Variants in COL24A1 observed in about 807,000 individuals in gnomAD.
The protein encoded by COL24A1 is collagen type XXIV alpha 1 chain.
In COL24A1, 224 loss-of-function variants were observed where a neutral mutation model predicts 253.9. The observed-to-expected ratio is 0.88, with a 90% confidence interval of 0.79 to 0.99. The LOEUF (loss-of-function observed/expected upper bound fraction) is 0.99, where lower values mean the gene tolerates loss of function less well. Ranked by LOEUF, COL24A1 falls within the 50% of genes least tolerant of loss-of-function variation. The probability of loss-of-function intolerance (pLI) is 0.00; values close to 1 mark genes in which losing one functional copy is unlikely to be tolerated. For synonymous variants in COL24A1, 685 were observed against 673.7 expected (o/e 1.02, Z -0.26); for missense variants, 2,131 against 2,068.5 (o/e 1.03, Z -0.59).
chr1:85,766,834 G>C (rs997210741), intron 53 of COL24A1, among the ~76,000 whole-genome samples: 1 of 152,130 alleles, frequency 6.6e-6, no homozygotes, highest in African/African-American at 2.4e-5. Context: ...GGCCCAGCGT[G>C]ATGGCTCACG....
chr1:85,963,635 C>T (rs1041759902), intron 23 of COL24A1, among the ~76,000 whole-genome samples: 7 of 152,072 alleles, frequency 4.6e-5, no homozygotes, highest in Non-Finnish European at 8.8e-5. Flanking sequence ...CCAGGCAGTG[C>T]CAGGTCCGAG....
Position 85,775,675 on chromosome 1 carries a change from G to C in COL24A1, c.4373C>G (p.Thr1458Ser). ...AATCACAAATTTAGTTAAACTTACA[G>C]TTTCACCTCTAAAGCCCTTTTCACC... ...PRGEKGFRGE[T>S]GPQGPRGQPG... The change falls in exon 53 of 60, where the codon ACT becomes AGT. Residue 1458 changes from threonine (T) to serine (S), a missense_variant and splice_region_variant. Thr to Ser is a moderately conservative substitution (Grantham distance 58). Coordinates refer to ENST00000370571, the MANE Select transcript of COL24A1 (RefSeq NM_152890.7). 6.2e-7 allele frequency: 1 copy of C among 1,605,820 alleles called. No individual in the cohort carries two copies. The highest frequency in any genetic ancestry group is 8.5e-7 in the Non-Finnish European group (1 of 1,177,192).
intron 28 of COL24A1, 110 bp downstream of exon 28, chr1:85,907,084 A>T: frequency 2.6e-6 from 2 of 766,434 alleles, no homozygotes; most frequent in Admixed American, 2.5e-5. Flanking sequence ...AAACCTGACA[A>T]GATCTAAGCA....
chr1:86,148,165 A>AGTTTT (rs1313302318), intron 1 of COL24A1, among the ~76,000 whole-genome samples: 2 of 150,918 alleles, frequency 1.3e-5, no homozygotes, highest in Non-Finnish European at 3.0e-5. Flanking sequence ...TTACCTGGGG[A>AGTTTT]GTTTTGTTTT....
intron 47 of COL24A1, among the ~76,000 whole-genome samples, chr1:85,794,340 C>G (rs945406032): frequency 7.9e-5 from 12 of 152,116 alleles, no homozygotes; most frequent in African/African-American, 2.9e-4. Context: ...TCAGGTGATA[C>G]ATGACAATGG....
Position 85,818,051 on chromosome 1 carries a change from C to T in COL24A1, c.3826G>A (p.Gly1276Arg). 6.2e-7 allele frequency: 1 copy of T among 1,613,636 alleles called. No homozygotes were observed. The highest frequency in any genetic ancestry group is 8.5e-7 in the Non-Finnish European group (1 of 1,179,668). The change falls in exon 46 of 60, where the codon GGG becomes AGG. Residue 1276 changes from glycine (G) to arginine (R), a missense_variant. By Grantham distance (125) the Gly-to-Arg change is moderately radical. Coordinates refer to ENST00000370571, the MANE Select transcript of COL24A1 (RefSeq NM_152890.7). ...TTACTTACAGGAATCCCAGGTTTCCCAGAAGGACCAGGAGCTCCTTTTTTC... is the reference window on the plus strand; with the variant it reads ...TTACTTACAGGAATCCCAGGTTTCCTAGAAGGACCAGGAGCTCCTTTTTTC... The part of the protein sequence containing the change: ...KGKKGAPGPS[G>R]KPGIPGLQGL...
intron 47 of COL24A1, among the ~76,000 whole-genome samples, chr1:85,804,678 T>G (rs1389384464): frequency 6.6e-6 from 1 of 152,032 alleles, no homozygotes; most frequent in Non-Finnish European, 1.5e-5. Flanking sequence ...TGAGACCCAT[T>G]CACTATCACG....
chr1:85,896,326 A>T (rs766170440), intron 29 of COL24A1, 30 bp downstream of exon 29: 15 of 1,583,748 alleles, frequency 9.5e-6, no homozygotes, highest in Non-Finnish European at 1.1e-5. Flanking sequence ...AAATTTAACT[A>T]CATATGAAAT....
rs962448287 is a variant in COL24A1, at chr1:86,052,602, T to C, written c.1852-2425A>G. Among the ~76,000 whole-genome samples the C allele has an allele frequency of 5.3e-5, 8 of 152,142 alleles. 1 individual carries two copies. Among genetic ancestry groups the C allele is most frequent in the Admixed American group, 2.6e-4 (4 of 15,266 alleles). ...GGAGTGGAGAACGGGGAATTGTTTA[T>C]TGGGTACAGAGTTTCAGTTTGGGAA... On this transcript the variant is annotated intron_variant, in intron 10 of 59. Transcript: ENST00000370571.
At chr1:86,141,805 GTTC>G in intron 2 of COL24A1, among the ~76,000 whole-genome samples, 1 of 151,736 alleles carries the variant, frequency 6.6e-6, no homozygotes, top group Admixed American at 6.6e-5. Flanking sequence ...GGCTCGAGTA[GTTC>G]TTCTGCCTTA....
chr1:85,945,000 GTGTTTTTTTT>G (rs1421765658), intron 24 of COL24A1, among the ~76,000 whole-genome samples: 15 of 36,130 alleles, frequency 4.2e-4, no homozygotes, highest in African/African-American at 8.7e-4. Context: ...GTCTATCATT[GTGTTTTTTTT>G]TTTTTTTTTT....
chr1:85,994,426 A>G (rs1040367605), intron 19 of COL24A1, among the ~76,000 whole-genome samples: 1 of 143,820 alleles, frequency 7.0e-6, no homozygotes, highest in Non-Finnish European at 1.5e-5. Flanking sequence ...AAAAAAAAAA[A>G]CTAGCCTAGC....
At chr1:85,814,051 C>T (rs936075898) in intron 47 of COL24A1, among the ~76,000 whole-genome samples, 29 of 152,098 alleles carry the variant, frequency 1.9e-4, no homozygotes, top group Admixed American at 8.5e-4. Context: ...AGACTGTTTT[C>T]TGACCCTGGA....
At chr1:86,088,367 G>A (rs1444738398) in intron 7 of COL24A1, among the ~76,000 whole-genome samples, 4 of 152,114 alleles carry the variant, frequency 2.6e-5, no homozygotes, top group Non-Finnish European at 4.4e-5. Context: ...TCCATATCAA[G>A]TCAAATACTG....
intron 37 of COL24A1, among the ~76,000 whole-genome samples, chr1:85,854,656 T>TAC (rs1678213420): frequency 6.6e-6 from 1 of 152,118 alleles, no homozygotes; most frequent in African/African-American, 2.4e-5. Context: ...CAGTGTCTTG[T>TAC]AATTCTAATT....
At chr1:85,968,337 C>A (rs1361299374) in intron 22 of COL24A1, among the ~76,000 whole-genome samples, 1 of 152,122 alleles carries the variant, frequency 6.6e-6, no homozygotes, top group Non-Finnish European at 1.5e-5. Context: ...TTGCTGTTGT[C>A]AATTAAGACA....
At chr1:85,745,060 G>T (rs954747053) in intron 56 of COL24A1, among the ~76,000 whole-genome samples, 5 of 151,790 alleles carry the variant, frequency 3.3e-5, no homozygotes, top group Admixed American at 3.3e-4. Context: ...CATAAGAATT[G>T]CTATGTCTAC....
At chr1:85,836,936 C>T (rs776024399) in intron 43 of COL24A1, among the ~76,000 whole-genome samples, 16 of 152,130 alleles carry the variant, frequency 1.1e-4, no homozygotes, top group African/African-American at 1.9e-4. Context: ...TCCTTTCAAG[C>T]GAATAGTTAA....
intron 53 of COL24A1, among the ~76,000 whole-genome samples, chr1:85,772,767 T>TA (rs201063963): frequency 0.012 from 1,897 of 152,328 alleles, 24 homozygotes; most frequent in Middle Eastern, 0.038. Flanking sequence ...TTCTGGATAT[T>TA]AGCCCTTTGT....
Sources: allele counts gnomAD v4.1 joint callset (sites outside exome capture counted in the v4.1 genomes callset), GRCh38; gene constraint gnomAD v4.1.1; transcripts MANE v1.5; gene names NCBI Gene and HGNC (gene_info 2026-07-23, HGNC 2026-07-21).